TRERF1: variants seen among roughly 807,000 people sequenced by gnomAD.
TRERF1 encodes transcriptional regulating factor 1.
TRERF1 carries 27 observed loss-of-function variants against 122.9 expected under a neutral mutation model. That is an observed-to-expected ratio of 0.22 (90% CI 0.16 to 0.30). The LOEUF is 0.30. TRERF1 is among the 10% of genes least tolerant of loss of function. The probability of loss-of-function intolerance (pLI) is 1.00; values close to 1 mark genes in which losing one functional copy is unlikely to be tolerated. For missense variants in TRERF1, 1,248 were observed against 1,560.3 expected (o/e 0.80, Z 3.37); for synonymous variants, 636 against 641.7 (o/e 0.99, Z 0.13).
At chr6:42,434,586 T>A (rs962763274) in intron 2 of TRERF1, among the ~76,000 whole-genome samples, 6 of 147,494 alleles carry the variant, frequency 4.1e-5, no homozygotes, top group African/African-American at 1.5e-4. Context: ...GGGAAAAAAA[T>A]CTCCCAAATA....
chr6:42,387,604 C>T (rs1777021794), intron 2 of TRERF1, among the ~76,000 whole-genome samples: 1 of 152,218 alleles, frequency 6.6e-6, no homozygotes, highest in African/African-American at 2.4e-5. Context: ...TGCACTCGCT[C>T]TGTTCATGGG....
chr6:42,300,460 C>T (rs953906431), intron 4 of TRERF1, among the ~76,000 whole-genome samples, 178 bp downstream of exon 4: 1 of 152,216 alleles, frequency 6.6e-6, no homozygotes, highest in Non-Finnish European at 1.5e-5. Flanking sequence ...ATCAGCCTCT[C>T]CTTTAACCAA....
chr6:42,329,138 G>A (rs13197383), intron 3 of TRERF1, among the ~76,000 whole-genome samples: 151,030 of 151,980 alleles, frequency 0.99, 75,044 homozygotes, highest in East Asian at 1. Context: ...CATTGAATCA[G>A]GTCAGGTGGT....
At chr6:42,432,757 C>T (rs961833306) in intron 2 of TRERF1, among the ~76,000 whole-genome samples, 5 of 150,770 alleles carry the variant, frequency 3.3e-5, no homozygotes, top group African/African-American at 4.9e-5. Context: ...GCAGGAGAAT[C>T]GCTTGAAGCC....
rs113896639 is a variant in TRERF1 at position 42,278,562 on chromosome 6, G to A, written c.-258-8714C>T. Among the ~76,000 whole-genome samples, 626 of 152,234 alleles carry A rather than the reference G, an allele frequency of 4.1e-3. 4 individuals are homozygous for A. Among genetic ancestry groups the A allele is most frequent in the African/African-American group, 0.014 (596 of 41,512 alleles). ...GGAAAGGTGCAACAGGCTCTGAGTG[G>A]GGCATGCCAGGGATGAGGACCACTC... On this transcript the variant is annotated intron_variant, in intron 4 of 17. Transcript: ENST00000372922.
At position 42,263,423 on chromosome 6, in the gene TRERF1, G is replaced by A. The variant is rs1326247686; in HGVS notation, c.1781C>T (p.Pro594Leu). 33 of 1,611,348 alleles carry A rather than the reference G, an allele frequency of 2.0e-5. No individual in the cohort carries two copies. Among genetic ancestry groups the A allele is most frequent in the Non-Finnish European group, 2.7e-5 (32 of 1,178,838 alleles). The change falls in exon 8 of 18, where the codon CCG becomes CTG. Residue 594 changes from proline to leucine, a missense_variant. By Grantham distance (98) the Pro-to-Leu change is moderately conservative. Transcript: ENST00000372922. This position sits in a 1 kb window ranked among gnomAD's most constrained non-coding sequence, Gnocchi z 5.6. Reference sequence around the variant, plus strand: ...GAACCCCTGAGAGCTGGGCTTGGGCGGGAGAAGCTTGACAGGGACAGACAC... The same window carrying A: ...GAACCCCTGAGAGCTGGGCTTGGGCAGGAGAAGCTTGACAGGGACAGACAC...
intron 15 of TRERF1, among the ~76,000 whole-genome samples, chr6:42,241,578 C>T (rs994150785): frequency 6.6e-6 from 1 of 152,034 alleles, no homozygotes; most frequent in East Asian, 1.9e-4. Flanking sequence ...CCTCCTGCCT[C>T]AGCCTCCCGA....
intron 2 of TRERF1, among the ~76,000 whole-genome samples, chr6:42,377,379 T>C (rs1775093104): frequency 6.6e-6 from 1 of 152,222 alleles, no homozygotes; most frequent in Non-Finnish European, 1.5e-5. Context: ...TCTACAGATT[T>C]GCCCATTCCG....
At chr6:42,271,180 C>T (rs1780149704) in intron 4 of TRERF1, among the ~76,000 whole-genome samples, 1 of 144,192 alleles carries the variant, frequency 6.9e-6, no homozygotes, top group South Asian at 2.2e-4. Flanking sequence ...AGCAAAACTC[C>T]ATCTAAAAAA....
At chr6:42,289,355 A>C (rs1582840477) in intron 4 of TRERF1, among the ~76,000 whole-genome samples, 1 of 144,686 alleles carries the variant, frequency 6.9e-6, no homozygotes, top group African/African-American at 2.5e-5. Context: ...AACAAAAAAA[A>C]AACAAAAAAA....
chr6:42,394,979 T>C (rs1581978490), intron 2 of TRERF1, among the ~76,000 whole-genome samples: 1 of 152,188 alleles, frequency 6.6e-6, no homozygotes, highest in African/African-American at 2.4e-5. Flanking sequence ...AGGCAAACTG[T>C]ACCCAGCCAC....
At position 42,391,686 on chromosome 6, in the gene TRERF1, A is replaced by G. The variant is rs527880829; in HGVS notation, c.-453-28607T>C. Reference sequence around the variant, plus strand: ...TATACTCTCCCATCTGCTGGCCACCACAGAGCTCATTCTTCTGCCCCCACC... The same window carrying G: ...TATACTCTCCCATCTGCTGGCCACCGCAGAGCTCATTCTTCTGCCCCCACC... On this transcript the variant is annotated intron_variant, in intron 2 of 17. Transcript: ENST00000372922. Among the ~76,000 whole-genome samples, 5 of 152,124 alleles carry G rather than the reference A, an allele frequency of 3.3e-5. No individual in the cohort carries two copies. The South Asian group carries it at 8.3e-4, about 25-fold the overall frequency.
chr6:42,368,545 G>T (rs1477798754), intron 2 of TRERF1, among the ~76,000 whole-genome samples: 1 of 152,066 alleles, frequency 6.6e-6, no homozygotes, highest in Non-Finnish European at 1.5e-5. Context: ...TCCCCAAACT[G>T]GACCTCCTAA....
chr6:42,360,787 A>C (rs1445888246), intron 3 of TRERF1, among the ~76,000 whole-genome samples: 4 of 148,466 alleles, frequency 2.7e-5, no homozygotes, highest in South Asian at 4.3e-4. Flanking sequence ...AAAAAAAAAA[A>C]AAAAAAAAAA....
At chr6:42,246,625 A>G in intron 13 of TRERF1, 81 bp from the exon 14 acceptor site, 1 of 981,122 alleles carries the variant, frequency 1.0e-6, no homozygotes, top group Non-Finnish European at 1.6e-6. Context: ...TTAAGTTACA[A>G]AATACAACTA....
At chr6:42,318,861 C>T (rs924521238) in intron 3 of TRERF1, among the ~76,000 whole-genome samples, 1 of 152,244 alleles carries the variant, frequency 6.6e-6, no homozygotes, top group Non-Finnish European at 1.5e-5. Flanking sequence ...AATAGATGCT[C>T]TCCCTTCTTT....
chr6:42,401,980 T>C (rs1162144458), intron 2 of TRERF1, among the ~76,000 whole-genome samples: 1 of 152,096 alleles, frequency 6.6e-6, no homozygotes, highest in Non-Finnish European at 1.5e-5. Flanking sequence ...GAAATAAGAG[T>C]GGGTCCTTTT....
intron 2 of TRERF1, among the ~76,000 whole-genome samples, chr6:42,378,652 T>A (rs1775338817): frequency 6.6e-6 from 1 of 152,100 alleles, no homozygotes; most frequent in Non-Finnish European, 1.5e-5. Context: ...TCTGCATGGA[T>A]CCCTAGGAGA....
chr6:42,444,845 A>C, intron 2 of TRERF1, among the ~76,000 whole-genome samples: 1 of 152,116 alleles, frequency 6.6e-6, no homozygotes, highest in Admixed American at 6.5e-5. Context: ...AAATTTTGCC[A>C]AAGAGTTGAC....
Sources: allele counts gnomAD v4.1 joint callset (sites outside exome capture counted in the v4.1 genomes callset), GRCh38; gene constraint gnomAD v4.1.1; non-coding constraint Gnocchi (gnomAD v3.1); transcripts MANE v1.5; gene names NCBI Gene and HGNC (gene_info 2026-07-23, HGNC 2026-07-21).